Variants in DOCK1 observed in about 807,000 individuals in gnomAD.
DOCK1 encodes the protein dedicator of cytokinesis protein 1.
DOCK1 carries 138 observed loss-of-function variants against 262.7 expected under a neutral mutation model. The ratio of observed to expected loss-of-function variants is 0.53; its 90% CI spans 0.46 to 0.61. The LOEUF (loss-of-function observed/expected upper bound fraction) is 0.61, where lower values mean the gene tolerates loss of function less well. DOCK1 is among the 20% of genes least tolerant of loss of function. The probability of loss-of-function intolerance (pLI) is 0.00; values close to 1 mark genes in which losing one functional copy is unlikely to be tolerated. For missense variants in DOCK1, 1,908 were observed against 2,370.7 expected (o/e 0.80, Z 4.05); for synonymous variants, 866 against 867.4 (o/e 1.00, Z 0.03).
At chr10:127,236,730 T>C (rs1028081077) in intron 27 of DOCK1, among the ~76,000 whole-genome samples, 3 of 152,050 alleles carry the variant, frequency 2.0e-5, no homozygotes, top group Non-Finnish European at 4.4e-5. Context: ...GTATACAATT[T>C]TGTGACTTTA....
At chr10:126,973,220 G>T (rs561946928) in intron 2 of DOCK1, among the ~76,000 whole-genome samples, 5 of 135,470 alleles carry the variant, frequency 3.7e-5, no homozygotes, top group African/African-American at 1.4e-4. Context: ...AGAGGAATGC[G>T]TGTGTGGTGG....
chr10:127,000,264 C>T lies in DOCK1; in HGVS notation c.942C>T (p.Thr314=). 1.9e-6 allele frequency: 3 copies of T among 1,614,032 alleles called. No individual in the cohort carries two copies. The highest frequency in any genetic ancestry group is 2.5e-6 in the Non-Finnish European group (3 of 1,179,894). ...GCATGGAGCTGAGGGACAACAACACCAGGAAACTGACCTCGGGGTTGCGGC... is the reference window on the plus strand; with the variant it reads ...GCATGGAGCTGAGGGACAACAACACTAGGAAACTGACCTCGGGGTTGCGGC... ...VGRMELRDNN[T]RKLTSGLRRP... The change falls in exon 10 of 52, where the codon ACC becomes ACT. Residue 314 remains threonine (T), a synonymous_variant. Coordinates refer to ENST00000623213, the MANE Select transcript of DOCK1 (RefSeq NM_001290223.2).
intron 30 of DOCK1, among the ~76,000 whole-genome samples, chr10:127,341,591 A>G (rs886118847): frequency 6.6e-6 from 1 of 152,022 alleles, no homozygotes; most frequent in Non-Finnish European, 1.5e-5. Flanking sequence ...GTTTTTTTCT[A>G]GGTCAGGTCT....
chr10:127,118,289 A>G (rs2049315341), intron 25 of DOCK1, among the ~76,000 whole-genome samples: 1 of 152,008 alleles, frequency 6.6e-6, no homozygotes, highest in African/African-American at 2.4e-5. Flanking sequence ...TGCCTGACCA[A>G]TTCTTCTCAC....
At chr10:127,056,715 T>C (rs141111493) in intron 22 of DOCK1, among the ~76,000 whole-genome samples, 179 of 152,272 alleles carry the variant, frequency 1.2e-3, no homozygotes, top group African/African-American at 4.2e-3. Context: ...TTATTTTTTC[T>C]CTGAACGTTT....
In DOCK1 at chr10:127,012,190, C is replaced by A; in HGVS notation, c.1059-42C>A. 9.3e-7 allele frequency: 1 copy of A among 1,071,742 alleles called. No homozygotes were observed. Among genetic ancestry groups the A allele is most frequent in the Non-Finnish European group, 1.4e-6 (1 of 691,214 alleles). 66.4% of individuals were successfully genotyped at this position (1,071,742 alleles called of 1,614,324 possible). On this transcript the variant is annotated intron_variant, in intron 11 of 51. Transcript: ENST00000623213. This position sits in a 1 kb window ranked among gnomAD's most constrained non-coding sequence, Gnocchi z 4.0. ...TTACCGTGGCCCATGGGTCTCTGTG[C>A]CCCTTTGTCTCCTGTGGTCTTGGTC...
intron 4 of DOCK1, among the ~76,000 whole-genome samples, chr10:126,986,610 G>C (rs2039409293): frequency 6.6e-6 from 1 of 152,166 alleles, no homozygotes; most frequent in East Asian, 1.9e-4. Context: ...TAGGTAATGA[G>C]TTAAGAATAA....
chr10:127,013,137 G>A (rs146177883), intron 12 of DOCK1, among the ~76,000 whole-genome samples: 1 of 152,198 alleles, frequency 6.6e-6, no homozygotes, highest in African/African-American at 2.4e-5. Flanking sequence ...TGTGAATTGA[G>A]CCTGAAGAAT....
At chr10:127,267,797 C>G (rs560434687) in intron 29 of DOCK1, among the ~76,000 whole-genome samples, 1 of 152,276 alleles carries the variant, frequency 6.6e-6, no homozygotes, top group South Asian at 2.1e-4. Context: ...TGATCCTCCT[C>G]CCGGTCCTCT....
chr10:127,363,584 G>C (rs1348177523), intron 33 of DOCK1, among the ~76,000 whole-genome samples: 2 of 152,062 alleles, frequency 1.3e-5, no homozygotes, highest in African/African-American at 4.8e-5. Flanking sequence ...ATAATGAAAG[G>C]AAATCAAAAC....
intron 40 of DOCK1, among the ~76,000 whole-genome samples, chr10:127,406,550 C>T (rs1327280960): frequency 6.6e-6 from 1 of 152,170 alleles, no homozygotes; most frequent in Non-Finnish European, 1.5e-5. Context: ...GTTACCAAAA[C>T]GTGGGCAGAA....
chr10:127,188,608 A>T (rs900886790), intron 27 of DOCK1, among the ~76,000 whole-genome samples: 11 of 152,104 alleles, frequency 7.2e-5, no homozygotes, highest in African/African-American at 2.4e-4. Flanking sequence ...TAACGTGGTT[A>T]ATTTCTGGCC....
chr10:126,973,659 G>C (rs2038285190), intron 2 of DOCK1, among the ~76,000 whole-genome samples: 1 of 152,172 alleles, frequency 6.6e-6, no homozygotes, highest in Admixed American at 6.5e-5. Flanking sequence ...AATCTAATCA[G>C]AGAAATGCAT....
chr10:127,409,853 T>C (rs2067740664), intron 42 of DOCK1, among the ~76,000 whole-genome samples: 1 of 152,186 alleles, frequency 6.6e-6, no homozygotes, highest in Non-Finnish European at 1.5e-5. Flanking sequence ...GGAGAACCCT[T>C]CAGCCTTACA....
chr10:127,311,744 C>T (rs1253785225), intron 29 of DOCK1, among the ~76,000 whole-genome samples: 3 of 152,222 alleles, frequency 2.0e-5, no homozygotes, highest in Admixed American at 2.0e-4. Flanking sequence ...CCTACACCCT[C>T]TATCTAACCC....
At chr10:126,990,657 C>G (rs2039724982) in intron 6 of DOCK1, 54 bp downstream of exon 6, 1 of 1,572,588 alleles carries the variant, frequency 6.4e-7, no homozygotes, top group African/African-American at 1.4e-5. Flanking sequence ...GTAATAACAT[C>G]ACTATAAGTC....
chr10:127,232,137 G>T (rs1162121541), intron 27 of DOCK1, among the ~76,000 whole-genome samples: 1 of 151,542 alleles, frequency 6.6e-6, no homozygotes, highest in African/African-American at 2.4e-5. Flanking sequence ...ATCCTGAAGG[G>T]TGCAGACCTT....
intron 29 of DOCK1, among the ~76,000 whole-genome samples, chr10:127,261,915 C>T (rs2135054544): frequency 2.1e-5 from 2 of 94,864 alleles, no homozygotes; most frequent in Non-Finnish European, 2.1e-5. Context: ...TGTGTGTGTA[C>T]CCGTGCTCAT....
Position 127,008,810 on chromosome 10 carries a change from T to C in DOCK1, c.1058+6T>C, listed in dbSNP as rs769746568. 6.3e-7 allele frequency: 1 copy of C among 1,594,560 alleles called. No homozygotes were observed. Among genetic ancestry groups the C allele is most frequent in the Non-Finnish European group, 8.6e-7 (1 of 1,169,308 alleles). Reference sequence around the variant, plus strand: ...CATTTCATTCCCTTTCAGCCGTAAGTATGGAGCAATTCAAGTACTTAGCCA... The same window carrying C: ...CATTTCATTCCCTTTCAGCCGTAAGCATGGAGCAATTCAAGTACTTAGCCA... On this transcript the variant is annotated splice_donor_region_variant and intron_variant, in intron 11 of 51. Coordinates refer to ENST00000623213, the MANE Select transcript of DOCK1 (RefSeq NM_001290223.2).
Sources: gnomAD v4.1 joint callset for allele counts (sites outside exome capture counted in the v4.1 genomes callset) on GRCh38, gnomAD v4.1.1 for gene constraint, Gnocchi (gnomAD v3.1) non-coding constraint, MANE v1.5 for transcripts, NCBI Gene and HGNC (gene_info 2026-07-23, HGNC 2026-07-21) for gene names.